KIF1B: variants seen among roughly 807,000 people sequenced by gnomAD.
KIF1B encodes kinesin family member 1B, also known as kinesin-like protein KIF1B.
Under a neutral mutation model 241.9 loss-of-function variants are expected in KIF1B, and 76 were observed. The ratio of observed to expected loss-of-function variants is 0.31; its 90% CI spans 0.26 to 0.38. The LOEUF is 0.38. Among genes scored for constraint, KIF1B ranks in the 10% least tolerant of loss-of-function variants. The probability of loss-of-function intolerance (pLI) is 1.00; values close to 1 mark genes in which losing one functional copy is unlikely to be tolerated. For missense variants in KIF1B, 1,622 were observed against 2,271.4 expected (o/e 0.71, Z 5.81); for synonymous variants, 750 against 796.7 (o/e 0.94, Z 0.99).
At chr1:10,336,934 G>A (rs1447785039) in intron 29 of KIF1B, 140 bp from the exon 30 acceptor site, 1 of 1,200,976 alleles carries the variant, frequency 8.3e-7, no homozygotes, top group East Asian at 2.3e-5. Context: ...TTTATTCATT[G>A]CCTTTCCTCA....
chr1:10,313,979 C>CT (rs1268931844), intron 22 of KIF1B, among the ~76,000 whole-genome samples: 3 of 151,484 alleles, frequency 2.0e-5, no homozygotes, highest in Non-Finnish European at 4.4e-5. Context: ...ACTGCAACCT[C>CT]TGCCTCCTGG....
chr1:10,330,083 C>T (rs74488273), intron 27 of KIF1B, among the ~76,000 whole-genome samples: 2,628 of 152,268 alleles, frequency 0.017, 86 homozygotes, highest in African/African-American at 0.06. Flanking sequence ...ATTGAACTTT[C>T]TGCTAACGTA....
chr1:10,235,916 A>G (rs533790670), intron 2 of KIF1B, among the ~76,000 whole-genome samples: 2 of 151,800 alleles, frequency 1.3e-5, no homozygotes, highest in South Asian at 4.2e-4. Flanking sequence ...AAGCAAATAT[A>G]AGGATTTATT....
chr1:10,275,224 T>C (rs1439438851), intron 10 of KIF1B, among the ~76,000 whole-genome samples: 1 of 152,214 alleles, frequency 6.6e-6, no homozygotes, highest in Non-Finnish European at 1.5e-5. Flanking sequence ...TACACAGTTT[T>C]CAAAATAAAA....
chr1:10,320,989 C>T (rs991157562), intron 23 of KIF1B, among the ~76,000 whole-genome samples: 2 of 151,896 alleles, frequency 1.3e-5, no homozygotes, highest in African/African-American at 4.8e-5. Flanking sequence ...GCATGAGCCA[C>T]TGCGCCCAGC....
intron 22 of KIF1B, among the ~76,000 whole-genome samples, chr1:10,297,652 A>G (rs1650334203): frequency 6.7e-6 from 1 of 150,138 alleles, no homozygotes; most frequent in East Asian, 1.9e-4. Context: ...GATAGTACTA[A>G]TTCTCTGCTC....
intron 2 of KIF1B, among the ~76,000 whole-genome samples, chr1:10,243,704 A>C (rs1371618552): frequency 6.6e-6 from 1 of 152,254 alleles, no homozygotes; most frequent in African/African-American, 2.4e-5. Context: ...ATCACCTCTC[A>C]CAATATTTAT....
intron 2 of KIF1B, among the ~76,000 whole-genome samples, chr1:10,249,258 T>G (rs183418742): frequency 6.6e-6 from 1 of 152,358 alleles, no homozygotes; most frequent in Non-Finnish European, 1.5e-5. Context: ...ACACACTATT[T>G]TAGCTCAGTT....
chr1:10,215,172 A>ATTT lies in KIF1B; in HGVS notation c.-80+4313_-80+4315dup, dbSNP rs1166683802. 2.2e-4 allele frequency among the ~76,000 whole-genome samples: 10 copies of ATTT among 45,358 alleles called. 1 individual carries two copies. Among genetic ancestry groups the ATTT allele is most frequent in the East Asian group, 7.5e-4 (1 of 1,332 alleles). The allele number at this position is 45,358 out of a possible 152,430, so 29.8% of individuals were successfully genotyped here. On this transcript the variant is annotated intron_variant, in intron 1 of 48. Coordinates refer to ENST00000676179, the MANE Select transcript of KIF1B (RefSeq NM_001365951.3). ...TATATATATATATATATATATATATATTTTTTTTTTTTTTTTTTTTTGAGA... is the reference window on the plus strand; with the variant it reads ...TATATATATATATATATATATATATATTTTTTTTTTTTTTTTTTTTTTTTGAGA...
chr1:10,348,562 A>T, intron 36 of KIF1B, 87 bp from the exon 37 acceptor site: 1 of 945,428 alleles, frequency 1.1e-6, no homozygotes, highest in Non-Finnish European at 1.7e-6. Flanking sequence ...CTCATCCCCC[A>T]TGCCATGCCA....
chr1:10,274,055 G>C (rs1648970954), intron 10 of KIF1B, among the ~76,000 whole-genome samples: 1 of 150,246 alleles, frequency 6.7e-6, no homozygotes, highest in Non-Finnish European at 1.5e-5. Flanking sequence ...TCCTGCCTCA[G>C]CCTCCCAAGT....
At chr1:10,301,429 G>A (rs142352657) in intron 22 of KIF1B, among the ~76,000 whole-genome samples, 1,637 of 152,156 alleles carry the variant, frequency 0.011, 35 homozygotes, top group Non-Finnish European at 0.01. Flanking sequence ...ACTTTGGGAG[G>A]CCAAGGTGGG....
chr1:10,315,146 C>G (rs1651245308), intron 22 of KIF1B, among the ~76,000 whole-genome samples: 1 of 137,934 alleles, frequency 7.2e-6, no homozygotes, highest in Non-Finnish European at 1.6e-5. Context: ...TACTTCCATG[C>G]TTATCTCTTA....
intron 5 of KIF1B, among the ~76,000 whole-genome samples, chr1:10,264,748 G>A (rs1280813460): frequency 6.6e-6 from 1 of 150,896 alleles, no homozygotes; most frequent in Non-Finnish European, 1.5e-5. Context: ...TTCAACCTCC[G>A]CCTCCCAGGT....
Position 10,312,026 on chromosome 1 carries a change from G to A in KIF1B, c.2116-8017G>A, listed in dbSNP as rs573836626. On this transcript the variant is annotated intron_variant, in intron 22 of 48. Coordinates refer to ENST00000676179, the MANE Select transcript of KIF1B (RefSeq NM_001365951.3). ...GGAGAGCCAGAGCCAGTCCCAGGGA[G>A]TCATTCTGTCTGCAAACCTCTGCCC... Among the ~76,000 whole-genome samples the A allele has an allele frequency of 6.6e-5, 10 of 151,452 alleles. No homozygotes were observed. In the South Asian group the frequency reaches 2.1e-3, roughly 31 times the overall value.
chr1:10,377,608 C>T lies in KIF1B; in HGVS notation c.*1021C>T, dbSNP rs545594822. 144 of 212,874 alleles carry T rather than the reference C, an allele frequency of 6.8e-4. No individual in the cohort carries two copies. The highest frequency in any genetic ancestry group is 3.0e-3 in the African/African-American group (135 of 44,286). 13.2% of individuals were successfully genotyped at this position (212,874 alleles called of 1,614,324 possible). ...CCACAAGGCGGGAGTGTTTCACTTT[C>T]TGGTGATAAACTTGATGGTCATTGT... is the stretch of plus-strand genomic sequence containing the variant. On this transcript the variant is annotated 3_prime_UTR_variant, in exon 49 of 49. Transcript: ENST00000676179.
rs145092997 is a variant in KIF1B at position 10,368,329 on chromosome 1, A to G, written c.4753-138A>G. On this transcript the variant is annotated intron_variant, in intron 43 of 48. Coordinates refer to ENST00000676179, the MANE Select transcript of KIF1B (RefSeq NM_001365951.3). The stretch of plus-strand genomic sequence containing the variant: ...CAATGAACGGCAGATGGACGAATGC[A>G]TAGGGAGAGGAGATGTGGAGCTTCC... 2.6e-3 allele frequency: 1,874 copies of G among 723,776 alleles called. 24 individuals are homozygous for G. The African/African-American group carries it at 0.028, about 11-fold the overall frequency. The allele number at this position is 723,776 out of a possible 1,614,324, so 44.8% of individuals were successfully genotyped here. A position where few individuals can be genotyped will look rare whatever the true frequency, so the allele number is the denominator to read the frequency against.
intron 40 of KIF1B, among the ~76,000 whole-genome samples, chr1:10,362,500 A>C (rs1401463605): frequency 2.0e-5 from 3 of 150,986 alleles, no homozygotes; most frequent in African/African-American, 4.9e-5. Context: ...AGAAAAGAAA[A>C]AGGAAAAAAA....
chr1:10,261,120 C>T (rs1648116443), intron 4 of KIF1B, among the ~76,000 whole-genome samples: 1 of 150,016 alleles, frequency 6.7e-6, no homozygotes, highest in Non-Finnish European at 1.5e-5. Flanking sequence ...GCACGTACCA[C>T]CACGTCTGGC....
Sources: allele counts gnomAD v4.1 joint callset (sites outside exome capture counted in the v4.1 genomes callset), GRCh38; gene constraint gnomAD v4.1.1; transcripts MANE v1.5; gene names NCBI Gene and HGNC (gene_info 2026-07-23, HGNC 2026-07-21).